The following RBFOX3 variants were observed in gnomAD, a reference collection of about 807,000 sequenced individuals.
RBFOX3 encodes RNA binding fox-1 homolog 3.
Under a neutral mutation model 48.7 loss-of-function variants are expected in RBFOX3, and 17 were observed. The ratio of observed to expected loss-of-function variants is 0.35; its 90% CI spans 0.24 to 0.52. The LOEUF (loss-of-function observed/expected upper bound fraction) is 0.52. Ranked by LOEUF, RBFOX3 falls within the 20% of genes least tolerant of loss-of-function variation. The pLI is 0.94. For synonymous variants in RBFOX3, 212 were observed against 209.5 expected (o/e 1.01, Z -0.10); for missense variants, 382 against 497.5 (o/e 0.77, Z 2.21).
At chr17:79,312,752 G>A (rs531378398) in intron 2 of RBFOX3, among the ~76,000 whole-genome samples, 1 of 152,290 alleles carries the variant, frequency 6.6e-6, no homozygotes, top group African/African-American at 2.4e-5. Flanking sequence ...AGATTTTATT[G>A]GCTTAATAAA....
At chr17:79,616,478 G>A in the RBFOX3 span, among the ~76,000 whole-genome samples, 1 of 151,570 alleles carries the variant, frequency 6.6e-6, no homozygotes, top group South Asian at 2.1e-4. Context: ...GGAGATTGCA[G>A]TGAGCCAAGA....
intron 2 of RBFOX3, among the ~76,000 whole-genome samples, chr17:79,409,877 C>T (rs2064052261): frequency 1.3e-5 from 2 of 152,224 alleles, no homozygotes; most frequent in Admixed American, 6.5e-5. Flanking sequence ...CATTTCTTAT[C>T]CCAGCACCTC....
intron 3 of RBFOX3, among the ~76,000 whole-genome samples, chr17:79,276,024 GGAATT>G (rs1202565292): frequency 2.0e-5 from 3 of 152,194 alleles, no homozygotes; most frequent in Non-Finnish European, 4.4e-5. Context: ...TCCACACAAT[GGAATT>G]GTGCTCGGCC....
In RBFOX3 at chr17:79,418,783, G is replaced by A. The variant is rs1452958397; in HGVS notation, c.-175+63671C>T. 5.3e-5 allele frequency among the ~76,000 whole-genome samples: 8 copies of A among 152,174 alleles called. No homozygotes were observed. Among genetic ancestry groups the A allele is most frequent in the Middle Eastern group, 3.4e-3 (1 of 294 alleles). On this transcript the variant is annotated intron_variant, in intron 2 of 14. Coordinates refer to ENST00000693108, the MANE Select transcript of RBFOX3 (RefSeq NM_001350451.2). This position sits in a 1 kb window ranked among gnomAD's most constrained non-coding sequence, Gnocchi z 5.0. The stretch of plus-strand genomic sequence containing the variant: ...AGAGGAATTCCTTCCCAAAAAGTGA[G>A]GGAGGACATGGCACGGAAGACCCAG...
intron 1 of RBFOX3, among the ~76,000 whole-genome samples, chr17:79,555,053 G>A (rs1298662660): frequency 1.3e-5 from 2 of 152,224 alleles, no homozygotes; most frequent in Non-Finnish European, 1.5e-5. Context: ...TGAGTGTCAG[G>A]CAGACTTGAG....
In RBFOX3 at chr17:79,252,433, G is replaced by C. The variant is rs896106994; in HGVS notation, c.-73-16628C>G. On this transcript the variant is annotated intron_variant, in intron 3 of 14. Coordinates refer to ENST00000693108, the MANE Select transcript of RBFOX3 (RefSeq NM_001350451.2). This position sits in a 1 kb window ranked among gnomAD's most constrained non-coding sequence, Gnocchi z 4.0. ...CCGTCCAAGTGAGCAAGTCAGCTGG[G>C]GTCCACTCTGACCCTCCCTCTCTTC... Among the ~76,000 whole-genome samples the C allele has an allele frequency of 6.6e-6, 1 of 152,060 alleles. No individual in the cohort carries two copies. The highest frequency in any genetic ancestry group is 2.4e-5 in the African/African-American group (1 of 41,408).
intron 4 of RBFOX3, among the ~76,000 whole-genome samples, chr17:79,180,775 C>G (rs1023219425): frequency 6.6e-6 from 1 of 152,166 alleles, no homozygotes; most frequent in African/African-American, 2.4e-5. Context: ...CCGGAGTCCA[C>G]CGAGACACAT....
chr17:79,411,450 G>A (rs895518274), intron 2 of RBFOX3, among the ~76,000 whole-genome samples: 8 of 152,132 alleles, frequency 5.3e-5, no homozygotes, highest in Non-Finnish European at 8.8e-5. Context: ...TGGGGAGCGT[G>A]TTCAGCCTTG....
chr17:79,415,422 C>T (rs1177324594), intron 2 of RBFOX3, among the ~76,000 whole-genome samples: 5 of 152,196 alleles, frequency 3.3e-5, no homozygotes, highest in Non-Finnish European at 5.9e-5. Context: ...CACTGTGCAC[C>T]CCTGAGGCCG....
the RBFOX3 span, among the ~76,000 whole-genome samples, chr17:79,636,773 A>C: frequency 2.6e-5 from 4 of 152,174 alleles, no homozygotes; most frequent in Non-Finnish European, 5.9e-5. Flanking sequence ...AAACAATCAG[A>C]AAACAAATTA....
chr17:79,198,724 C>T lies in RBFOX3; in HGVS notation c.-34+37042G>A, dbSNP rs2056209643. On this transcript the variant is annotated intron_variant, in intron 4 of 14. Transcript: ENST00000693108. This position sits in a 1 kb window ranked among gnomAD's most constrained non-coding sequence, Gnocchi z 8.2. ...CGTTGCAACCTCCACCTTCCGGGTT[C>T]AAGCGATTCTCCTGCCTCAGCCTCC... Among the ~76,000 whole-genome samples the T allele has an allele frequency of 6.6e-6, 1 of 151,950 alleles. No individual in the cohort carries two copies. Among genetic ancestry groups the T allele is most frequent in the African/African-American group, 2.4e-5 (1 of 41,352 alleles).
intron 1 of RBFOX3, among the ~76,000 whole-genome samples, chr17:79,556,067 AAGC>A (rs1385695838): frequency 1.3e-5 from 2 of 152,176 alleles, no homozygotes; most frequent in African/African-American, 4.8e-5. Context: ...CAGAGCGGGA[AAGC>A]ATACTTGCAA....
At chr17:79,114,817 G>A (rs1354323972) in intron 5 of RBFOX3, among the ~76,000 whole-genome samples, 2 of 152,158 alleles carry the variant, frequency 1.3e-5, no homozygotes, top group East Asian at 3.9e-4. Flanking sequence ...GCCGGCTGGG[G>A]CTCTGGGGGG....
chr17:79,345,844 CAA>C (rs1479971042), intron 2 of RBFOX3, among the ~76,000 whole-genome samples: 3 of 152,056 alleles, frequency 2.0e-5, no homozygotes, highest in African/African-American at 7.3e-5. Context: ...TTAATGTACT[CAA>C]GTCTGTCAAT....
chr17:79,534,522 C>T (rs982220995), intron 1 of RBFOX3, among the ~76,000 whole-genome samples: 4 of 152,194 alleles, frequency 2.6e-5, no homozygotes, highest in African/African-American at 2.4e-5. Context: ...GTCTGCCAGA[C>T]GCTCCCCAGG....
At chr17:79,483,462 G>GCCTGCCTCCCTCCCTC (rs2079067918) in intron 1 of RBFOX3, among the ~76,000 whole-genome samples, 1 of 95,106 alleles carries the variant, frequency 1.1e-5, no homozygotes, top group Non-Finnish European at 2.1e-5. Context: ...CTCCCTCCCT[G>GCCTGCCTCCCTCCCTC]CCTGCCTGCC....
intron 2 of RBFOX3, among the ~76,000 whole-genome samples, chr17:79,379,135 C>A (rs1165757797): frequency 3.3e-5 from 5 of 152,200 alleles, no homozygotes; most frequent in Non-Finnish European, 5.9e-5. Context: ...CCCATCCTGG[C>A]ACAGGAGGGC....
At chr17:79,560,903 GAA>G (rs1309389603) in intron 1 of RBFOX3, among the ~76,000 whole-genome samples, 14 of 152,174 alleles carry the variant, frequency 9.2e-5, no homozygotes, top group African/African-American at 2.9e-4. Flanking sequence ...CACAGTTGGG[GAA>G]ACGGAAGCTC....
At chr17:79,169,159 T>C (rs2048628393) in intron 4 of RBFOX3, among the ~76,000 whole-genome samples, 1 of 152,180 alleles carries the variant, frequency 6.6e-6, no homozygotes, top group Non-Finnish European at 1.5e-5. Context: ...TTGGGATTTG[T>C]AAGAGGGACA....
Sources: allele counts gnomAD v4.1 joint callset (sites outside exome capture counted in the v4.1 genomes callset), GRCh38; gene constraint gnomAD v4.1.1; non-coding constraint Gnocchi (gnomAD v3.1); transcripts MANE v1.5; gene names NCBI Gene and HGNC (gene_info 2026-07-23, HGNC 2026-07-21).